The following ERBB4 variants were observed in gnomAD, a reference collection of about 807,000 sequenced individuals.
The protein encoded by ERBB4 is receptor tyrosine-protein kinase erbB-4.
Under a neutral mutation model 158.0 loss-of-function variants are expected in ERBB4, and 42 were observed. That is an observed-to-expected ratio of 0.27 (90% CI 0.21 to 0.34). ERBB4 has a LOEUF of 0.34. Among genes scored for constraint, ERBB4 ranks in the 10% least tolerant of loss-of-function variants. The pLI is 1.00. For missense variants in ERBB4, 1,333 were observed against 1,624.1 expected (o/e 0.82, Z 3.08); for synonymous variants, 583 against 558.7 (o/e 1.04, Z -0.61).
chr2:212,175,248 C>T (rs1228076860), intron 1 of ERBB4, among the ~76,000 whole-genome samples: 1 of 152,006 alleles, frequency 6.6e-6, no homozygotes, highest in Non-Finnish European at 1.5e-5. Context: ...AAAAAGCAGG[C>T]AATAAATGTT....
At chr2:212,058,106 A>T (rs1167445608) in intron 2 of ERBB4, among the ~76,000 whole-genome samples, 1 of 152,220 alleles carries the variant, frequency 6.6e-6, no homozygotes, top group Non-Finnish European at 1.5e-5. Flanking sequence ...GATAAAGGGG[A>T]TATCACCACT....
intron 1 of ERBB4, among the ~76,000 whole-genome samples, chr2:212,216,097 C>T (rs922898707): frequency 4.6e-5 from 7 of 151,174 alleles, no homozygotes; most frequent in Non-Finnish European, 1.0e-4. Flanking sequence ...TGTAAGTTTC[C>T]ACATCATTTG....
At chr2:211,863,102 A>C (rs1289495654) in intron 3 of ERBB4, among the ~76,000 whole-genome samples, 2 of 148,394 alleles carry the variant, frequency 1.3e-5, no homozygotes, top group Non-Finnish European at 2.9e-5. Flanking sequence ...AGGATTGTAA[A>C]TGCACAAATC....
chr2:212,447,312 A>G (rs1359898391), intron 1 of ERBB4, among the ~76,000 whole-genome samples: 3 of 152,144 alleles, frequency 2.0e-5, no homozygotes, highest in African/African-American at 7.2e-5. Context: ...CAAATTTTTC[A>G]AAAGGTGAAA....
chr2:211,392,061 T>A (rs758455316), intron 25 of ERBB4, among the ~76,000 whole-genome samples: 1 of 152,154 alleles, frequency 6.6e-6, no homozygotes, highest in African/African-American at 2.4e-5. Flanking sequence ...TGCTAATCCA[T>A]CAGCACTAAT....
At chr2:212,072,213 G>C (rs2078141827) in intron 2 of ERBB4, among the ~76,000 whole-genome samples, 1 of 151,968 alleles carries the variant, frequency 6.6e-6, no homozygotes, top group Non-Finnish European at 1.5e-5. Flanking sequence ...TGATGGATAA[G>C]TCATCCTCAC....
At position 212,445,374 on chromosome 2, in the gene ERBB4, C is replaced by T. The variant is rs557587533; in HGVS notation, c.82+93075G>A. 3.3e-5 allele frequency among the ~76,000 whole-genome samples: 5 copies of T among 152,234 alleles called. No individual in the cohort carries two copies. The South Asian group carries it at 1.0e-3, about 32-fold the overall frequency. On this transcript the variant is annotated intron_variant, in intron 1 of 27. Transcript: ENST00000342788. ...CTAGCAAAATTTTTGCTTCCTGTTC[C>T]TGCGGCATTACATTCTGCTGGCCTA...
intron 1 of ERBB4, among the ~76,000 whole-genome samples, chr2:212,453,633 C>A (rs1014913296): frequency 6.6e-6 from 1 of 152,146 alleles, no homozygotes; most frequent in South Asian, 2.1e-4. Flanking sequence ...ACGAGGTATG[C>A]TTTTTAATGT....
At position 212,304,433 on chromosome 2, in the gene ERBB4, G is replaced by C. The variant is rs112040087; in HGVS notation, c.83-179530C>G. ...ATGAGAACACGTTTGGCCTGTGTCT[G>C]GGCTGGCCTGGGCAAATGGTACTGG... On this transcript the variant is annotated intron_variant, in intron 1 of 27. Coordinates refer to ENST00000342788, the MANE Select transcript of ERBB4 (RefSeq NM_005235.3). 5.2e-3 allele frequency among the ~76,000 whole-genome samples: 793 copies of C among 151,222 alleles called. 4 individuals carry two copies. Among genetic ancestry groups the C allele is most frequent in the Middle Eastern group, 0.017 (5 of 294 alleles).
At chr2:212,480,893 G>T (rs1689661492) in intron 1 of ERBB4, among the ~76,000 whole-genome samples, 1 of 152,170 alleles carries the variant, frequency 6.6e-6, no homozygotes, top group South Asian at 2.1e-4. Context: ...ATATATGTTT[G>T]TAGACAAGTT....
At position 212,003,177 on chromosome 2, in the gene ERBB4, GA is replaced by G. The variant is rs368438270; in HGVS notation, c.235-55562del. ...AGAAAGAAAGAAAGAAAGAAAGAAA[GA>G]AAGAAAGAAAGAAAGAAAGAAAGAA... On this transcript the variant is annotated intron_variant, in intron 2 of 27. Coordinates refer to ENST00000342788, the MANE Select transcript of ERBB4 (RefSeq NM_005235.3). 7.7e-3 allele frequency among the ~76,000 whole-genome samples: 365 copies of G among 47,674 alleles called. 14 individuals are homozygous for G. Among genetic ancestry groups the G allele is most frequent in the Non-Finnish European group, 0.015 (260 of 17,550 alleles). 31.3% of individuals were successfully genotyped at this position (47,674 alleles called of 152,430 possible).
chr2:211,851,508 AGCG>A (rs1406037003), intron 3 of ERBB4, among the ~76,000 whole-genome samples: 1 of 151,970 alleles, frequency 6.6e-6, no homozygotes, highest in African/African-American at 2.4e-5. Flanking sequence ...CTAAACTAAA[AGCG>A]CTGGCTTCTT....
intron 2 of ERBB4, among the ~76,000 whole-genome samples, chr2:212,026,486 CT>C (rs1290016575): frequency 6.6e-6 from 1 of 151,744 alleles, no homozygotes; most frequent in Non-Finnish European, 1.5e-5. Flanking sequence ...AAAACAACTT[CT>C]AATGTAGGAA....
intron 2 of ERBB4, among the ~76,000 whole-genome samples, chr2:211,994,878 T>C (rs893819115): frequency 2.0e-5 from 3 of 152,166 alleles, no homozygotes; most frequent in Admixed American, 6.6e-5. Flanking sequence ...CACTCCCTAA[T>C]GCTTCATGCA....
At chr2:211,591,970 A>G (rs749798374) in intron 19 of ERBB4, among the ~76,000 whole-genome samples, 21 of 152,358 alleles carry the variant, frequency 1.4e-4, no homozygotes, top group Non-Finnish European at 2.6e-4. Flanking sequence ...ACGAATTAAG[A>G]GTCCAAGAGA....
intron 1 of ERBB4, among the ~76,000 whole-genome samples, chr2:212,460,258 A>G (rs1301380374): frequency 1.3e-5 from 2 of 152,200 alleles, no homozygotes; most frequent in African/African-American, 4.8e-5. Flanking sequence ...ATGAAAATGG[A>G]TGAATACAGC....
chr2:211,811,891 C>T (rs2076765657), intron 3 of ERBB4, among the ~76,000 whole-genome samples: 1 of 152,004 alleles, frequency 6.6e-6, no homozygotes, highest in Non-Finnish European at 1.5e-5. Context: ...CTTCTCTACA[C>T]TGTTTATTCT....
intron 3 of ERBB4, among the ~76,000 whole-genome samples, chr2:211,920,413 C>G (rs1575378814): frequency 6.6e-6 from 1 of 151,984 alleles, no homozygotes; most frequent in East Asian, 1.9e-4. Flanking sequence ...GAGGTGTTAA[C>G]AAGAGCTTCT....
intron 3 of ERBB4, among the ~76,000 whole-genome samples, chr2:211,905,973 A>G (rs900030629): frequency 6.6e-6 from 1 of 151,726 alleles, no homozygotes; most frequent in Admixed American, 6.6e-5. Flanking sequence ...GCTGGAATGC[A>G]GTGAGAAAGG....
Sources: allele counts gnomAD v4.1 joint callset (sites outside exome capture counted in the v4.1 genomes callset), GRCh38; gene constraint gnomAD v4.1.1; transcripts MANE v1.5; gene names NCBI Gene and HGNC (gene_info 2026-07-23, HGNC 2026-07-21).